Variants in ADGRL3 observed in about 807,000 individuals in gnomAD.
ADGRL3 encodes the protein adhesion G protein-coupled receptor L3.
In ADGRL3, 62 loss-of-function variants were observed where a neutral mutation model predicts 153.5. That is an observed-to-expected ratio of 0.40 (90% CI 0.33 to 0.50). The LOEUF (loss-of-function observed/expected upper bound fraction) is 0.50, where lower values mean the gene tolerates loss of function less well. Ranked by LOEUF, ADGRL3 falls within the 20% of genes least tolerant of loss-of-function variation. ADGRL3 has a pLI of 0.47. For missense variants in ADGRL3, 1,641 were observed against 1,859.4 expected (o/e 0.88, Z 2.16); for synonymous variants, 710 against 672.5 (o/e 1.06, Z -0.86).
chr4:61,439,141 G>A (rs973001028), intron 2 of ADGRL3, among the ~76,000 whole-genome samples: 2 of 152,118 alleles, frequency 1.3e-5, no homozygotes, highest in African/African-American at 4.8e-5. Flanking sequence ...TTATAGTATT[G>A]TGTTAAATTA....
chr4:61,444,572 T>C (rs115831890), intron 2 of ADGRL3, among the ~76,000 whole-genome samples: 5,616 of 152,180 alleles, frequency 0.037, 116 homozygotes, highest in South Asian at 0.087. Flanking sequence ...TAAAAAAAAA[T>C]TCCCCCTCTT....
intron 5 of ADGRL3, among the ~76,000 whole-genome samples, chr4:61,605,264 CATT>C (rs2099028101): frequency 6.6e-6 from 1 of 151,972 alleles, no homozygotes; most frequent in Admixed American, 6.6e-5. Flanking sequence ...AAATTCGTCT[CATT>C]ATAACTTTCA....
intron 2 of ADGRL3, among the ~76,000 whole-genome samples, chr4:61,470,655 A>G (rs1482812480): frequency 6.6e-6 from 1 of 151,920 alleles, no homozygotes; most frequent in African/African-American, 2.4e-5. Context: ...GAATTTACCA[A>G]ATTAAAGAAA....
intron 15 of ADGRL3, among the ~76,000 whole-genome samples, chr4:61,938,096 A>C (rs1050267983): frequency 6.6e-6 from 1 of 152,000 alleles, no homozygotes; most frequent in Non-Finnish European, 1.5e-5. Flanking sequence ...TTTAAGCATT[A>C]ATTTTGGAGC....
At chr4:62,007,383 T>TATATATATATATAC (rs71213024) in intron 21 of ADGRL3, among the ~76,000 whole-genome samples, 9 of 30,764 alleles carry the variant, frequency 2.9e-4, no homozygotes, top group African/African-American at 8.8e-4. Flanking sequence ...TATATATATA[T>TATATATATATATAC]ACACACACAC....
At chr4:61,337,101 T>C (rs1242284452) in intron 1 of ADGRL3, among the ~76,000 whole-genome samples, 2 of 152,084 alleles carry the variant, frequency 1.3e-5, no homozygotes, top group Non-Finnish European at 2.9e-5. Flanking sequence ...GCCACATTGA[T>C]TATTCCTGGC....
chr4:61,569,724 G>A (rs2098830731), intron 4 of ADGRL3, among the ~76,000 whole-genome samples: 1 of 151,976 alleles, frequency 6.6e-6, no homozygotes, highest in African/African-American at 2.4e-5. Flanking sequence ...TTGTTTTCAA[G>A]GTTAATACAA....
intron 6 of ADGRL3, among the ~76,000 whole-genome samples, chr4:61,711,500 A>T (rs1490420015): frequency 7.3e-6 from 1 of 137,762 alleles, no homozygotes; most frequent in Non-Finnish European, 1.6e-5. Context: ...ATACACACAC[A>T]CACACACACA....
intron 1 of ADGRL3, among the ~76,000 whole-genome samples, chr4:61,263,403 G>C (rs2092663247): frequency 6.7e-6 from 1 of 149,722 alleles, no homozygotes; most frequent in African/African-American, 2.4e-5. Context: ...AACCCTTTCA[G>C]TATGAGCTGT....
At chr4:61,861,458 A>T (rs1381964767) in intron 9 of ADGRL3, among the ~76,000 whole-genome samples, 3 of 152,124 alleles carry the variant, frequency 2.0e-5, no homozygotes, top group Non-Finnish European at 4.4e-5. Flanking sequence ...ACCAAGAAAT[A>T]GTATGCTTGA....
intron 13 of ADGRL3, among the ~76,000 whole-genome samples, chr4:61,934,380 A>C (rs568074319): frequency 4.6e-5 from 7 of 152,318 alleles, no homozygotes; most frequent in African/African-American, 1.4e-4. Context: ...ATAAGCAACA[A>C]ATTCTTGGAT....
intron 8 of ADGRL3, among the ~76,000 whole-genome samples, chr4:61,776,607 ATATTAT>A (rs574765069): frequency 2.0e-5 from 3 of 152,164 alleles, no homozygotes; most frequent in Admixed American, 6.5e-5. Context: ...TGCTGTACAG[ATATTAT>A]TATATATTAT....
At chr4:61,749,485 T>C (rs2096722286) in intron 8 of ADGRL3, among the ~76,000 whole-genome samples, 1 of 152,086 alleles carries the variant, frequency 6.6e-6, no homozygotes. Flanking sequence ...ATAGACTGGA[T>C]TAAGAAAATG....
intron 2 of ADGRL3, among the ~76,000 whole-genome samples, chr4:61,435,896 T>A (rs28444480): frequency 0.39 from 59,797 of 152,008 alleles, 12,310 homozygotes; most frequent in Middle Eastern, 0.57. Flanking sequence ...TCATTTTTAG[T>A]TAGTATTTCT....
rs114347752 is a variant in ADGRL3 at position 61,927,285 on chromosome 4, G to A, written c.2113-7555G>A. ...TAACATGATAGAGATTTATTTGACA[G>A]CATTTGGTCATTTCATTCTAAAGTA... On this transcript the variant is annotated intron_variant, in intron 13 of 26. Transcript: ENST00000683033. 6.7e-3 allele frequency among the ~76,000 whole-genome samples: 1,022 copies of A among 151,940 alleles called. 18 individuals carry two copies. Among genetic ancestry groups the A allele is most frequent in the African/African-American group, 0.023 (956 of 41,438 alleles).
intron 1 of ADGRL3, among the ~76,000 whole-genome samples, chr4:61,347,552 C>A (rs776278574): frequency 6.6e-6 from 1 of 152,048 alleles, no homozygotes; most frequent in Non-Finnish European, 1.5e-5. Context: ...ACGTTAACCC[C>A]CCTTCCCTCT....
At chr4:61,700,478 C>T (rs377183207) in intron 6 of ADGRL3, among the ~76,000 whole-genome samples, 34 of 151,898 alleles carry the variant, frequency 2.2e-4, no homozygotes, top group East Asian at 1.6e-3. Flanking sequence ...TTCAGGGTAC[C>T]GCGGATTCAG....
At chr4:61,220,269 G>A (rs62312880) in intron 1 of ADGRL3, among the ~76,000 whole-genome samples, 36,923 of 151,924 alleles carry the variant, frequency 0.24, 4,663 homozygotes, top group East Asian at 0.48. Context: ...AACGTCATAC[G>A]TGAAATGTGT....
At chr4:61,744,598 C>G (rs1037588449) in intron 8 of ADGRL3, among the ~76,000 whole-genome samples, 1 of 152,232 alleles carries the variant, frequency 6.6e-6, no homozygotes, top group Non-Finnish European at 1.5e-5. Context: ...GGTACCCAGG[C>G]AAACAGGGTC....
Sources: allele counts gnomAD v4.1 joint callset (sites outside exome capture counted in the v4.1 genomes callset), GRCh38; gene constraint gnomAD v4.1.1; transcripts MANE v1.5; gene names NCBI Gene and HGNC (gene_info 2026-07-23, HGNC 2026-07-21).